Variants in LRRC57 observed in about 807,000 individuals in gnomAD.
LRRC57 encodes the protein leucine-rich repeat-containing protein 57.
In LRRC57, 14 loss-of-function variants were observed where a neutral mutation model predicts 23.1. The observed-to-expected ratio is 0.61, with a 90% confidence interval of 0.40 to 0.95. LRRC57 has a LOEUF of 0.95. Among genes scored for constraint, LRRC57 ranks in the 40% least tolerant of loss-of-function variants. The probability of loss-of-function intolerance (pLI) is 0.00; values close to 1 mark genes in which losing one functional copy is unlikely to be tolerated. For synonymous variants in LRRC57, 106 were observed against 115.2 expected, an observed-to-expected ratio of 0.92 and a Z score of 0.51; for missense variants, 236 against 284.4, an observed-to-expected ratio of 0.83 and a Z score of 1.22.
chr15:42,534,281 C>T (rs2057588867), downstream of LRRC57, among the ~76,000 whole-genome samples: 1 of 152,172 alleles, frequency 6.6e-6, no homozygotes, highest in African/African-American at 2.4e-5. Context: ...CAGGCAGGCA[C>T]CACCGTGCCC....
At chr15:42,547,177 T>C (rs2057662275) in intron 4 of LRRC57, 84 bp downstream of exon 4, 6 of 1,441,500 alleles carry the variant, frequency 4.2e-6, no homozygotes, top group Non-Finnish European at 5.6e-6. Flanking sequence ...ATGATGGCAG[T>C]TTAGGAAACA....
intron 3 of LRRC57, 83 bp from the exon 4 acceptor site, chr15:42,547,612 G>C (rs992514363): frequency 1.1e-4 from 130 of 1,216,654 alleles, no homozygotes; most frequent in Middle Eastern, 5.0e-4. Flanking sequence ...CTATATGGCA[G>C]CCTGCTTCGC....
At chr15:42,530,507 C>G in the LRRC57 span, among the ~76,000 whole-genome samples, 6 of 152,190 alleles carry the variant, frequency 3.9e-5, no homozygotes, top group African/African-American at 1.4e-4. Flanking sequence ...CACCTGTAAT[C>G]TCAACACTTT....
chr15:42,544,836 C>CTATATATATATATATATATAT (rs1256583979), intron 5 of LRRC57, among the ~76,000 whole-genome samples: 13 of 103,730 alleles, frequency 1.3e-4, no homozygotes, highest in African/African-American at 7.1e-4. Flanking sequence ...CACACACACA[C>CTATATATATATATATATATAT]ACACACTATA....
At chr15:42,529,528 GA>G in the LRRC57 span, 4 of 738,862 alleles carry the variant, frequency 5.4e-6, no homozygotes, top group Admixed American at 1.2e-4. Context: ...TTTTATTATA[GA>G]ATGTTTCCCA....
chr15:42,546,475 AAGAC>A (rs1195334687), intron 4 of LRRC57, among the ~76,000 whole-genome samples: 2 of 152,220 alleles, frequency 1.3e-5, no homozygotes, highest in Non-Finnish European at 2.9e-5. Flanking sequence ...CAATTCCTCA[AAGAC>A]AGACTGAATT....
Position 42,547,337 on chromosome 15 carries a change from G to A in LRRC57, c.416C>T (p.Ser139Phe). 6.2e-7 allele frequency: 1 copy of A among 1,614,202 alleles called. No homozygotes were observed. Among genetic ancestry groups the A allele is most frequent in the Non-Finnish European group, 8.5e-7 (1 of 1,180,032 alleles). Reference sequence around the variant, plus strand: ...AGGTATACTTCGAATCTGGTTCTTAGAGAGATCCATCACATCCAGGTGCCG... The same window carrying A: ...AGGTATACTTCGAATCTGGTTCTTAAAGAGATCCATCACATCCAGGTGCCG... ...SLRHLDVMDLSKNQIRSIPDS... is the reference protein window; with the variant it reads ...SLRHLDVMDLFKNQIRSIPDS... Residue 139 changes from serine to phenylalanine, a missense_variant, in exon 4 of 6, where the codon TCT (serine) becomes TTT (phenylalanine). By Grantham distance (155) the Ser-to-Phe change is radical. Coordinates refer to ENST00000397130, the MANE Select transcript of LRRC57 (RefSeq NM_153260.3).
intron 3 of LRRC57, 180 bp downstream of exon 3, chr15:42,547,926 T>C: frequency 1.6e-6 from 1 of 628,022 alleles, no homozygotes; most frequent in Non-Finnish European, 2.7e-6. Context: ...CACCCAATCA[T>C]TATAAGGCTT....
At chr15:42,548,525 C>G in intron 1 of LRRC57, 69 bp from the exon 2 acceptor site, 2 of 1,308,082 alleles carry the variant, frequency 1.5e-6, no homozygotes, top group Non-Finnish European at 2.1e-6. Context: ...GGCTCCTGCC[C>G]CAGCTCTCAA....
chr15:42,533,250 G>C (rs1186546011), downstream of LRRC57, among the ~76,000 whole-genome samples: 1 of 152,114 alleles, frequency 6.6e-6, no homozygotes, highest in Non-Finnish European at 1.5e-5. Context: ...AACTTACCTT[G>C]CTAAAAATTT....
At chr15:42,531,336 G>C in the LRRC57 span, 11 of 938,682 alleles carry the variant, frequency 1.2e-5, no homozygotes, top group South Asian at 9.4e-5. Flanking sequence ...TGGTGTGTCA[G>C]TTACTCCAAG....
Position 42,543,915 on chromosome 15 carries a change from G to C in LRRC57, c.*168C>G, listed in dbSNP as rs1359913902. ...TGATCCTTTTTCTTTTAGCTTATTT[G>C]AGAAGAGCCCTGAAATGAGAAAAGA... On this transcript the variant is annotated 3_prime_UTR_variant, in exon 6 of 6. Coordinates refer to ENST00000397130, the MANE Select transcript of LRRC57 (RefSeq NM_153260.3). 2 of 521,332 alleles carry C rather than the reference G, an allele frequency of 3.8e-6. No individual in the cohort carries two copies. The highest frequency in any genetic ancestry group is 6.8e-6 in the Non-Finnish European group (2 of 292,554). The allele number at this position is 521,332 out of a possible 1,614,324, so 32.3% of individuals were successfully genotyped here.
In LRRC57 at chr15:42,548,100, C is replaced by T. The variant is rs1330050898; in HGVS notation, c.223+6G>A. 1.2e-6 allele frequency: 2 copies of T among 1,614,048 alleles called. No homozygotes were observed. The highest frequency in any genetic ancestry group is 1.3e-5 in the African/African-American group (1 of 74,934). On this transcript the variant is annotated splice_donor_region_variant and intron_variant, in intron 3 of 5. Transcript: ENST00000397130. ...CTAGCAAAAGCCTCCCTGGCGAGAG[C>T]CATACTCAGTTTGTTGTTGTTCAGG...
At chr15:42,535,638 T>C (rs1331415458), downstream of LRRC57, among the ~76,000 whole-genome samples, 1 of 152,144 alleles carries the variant, frequency 6.6e-6, no homozygotes, top group Non-Finnish European at 1.5e-5. Flanking sequence ...TGGTTCGAAC[T>C]CCTGACCTCA....
chr15:42,528,568 C>A, the LRRC57 span: 2 of 831,410 alleles, frequency 2.4e-6, no homozygotes, highest in Non-Finnish European at 3.7e-6. Flanking sequence ...TGCCCACTGA[C>A]AAAATGTGGG....
chr15:42,529,489 A>G, the LRRC57 span, among the ~76,000 whole-genome samples: 3 of 152,228 alleles, frequency 2.0e-5, no homozygotes, highest in African/African-American at 7.2e-5. Flanking sequence ...GCTTTAAGAT[A>G]CTGTGCTCTC....
chr15:42,540,987 G>C lies in LRRC57; in HGVS notation c.*3096C>G, dbSNP rs909605537. The C allele has an allele frequency of 6.7e-6, 1 of 150,316 alleles. No individual in the cohort carries two copies. Among genetic ancestry groups the C allele is most frequent in the African/African-American group, 2.5e-5 (1 of 40,766 alleles). The allele number at this position is 150,316 out of a possible 1,614,324, so 9.3% of individuals were successfully genotyped here. ...GCAGAGGTTGCAATGAGCCAAGATC[G>C]CACCACTGCACTCCAGCCTGGGTGA... On this transcript the variant is annotated 3_prime_UTR_variant, in exon 6 of 6. Coordinates refer to ENST00000397130, the MANE Select transcript of LRRC57 (RefSeq NM_153260.3).
chr15:42,530,966 G>C, the LRRC57 span, among the ~76,000 whole-genome samples: 1 of 152,150 alleles, frequency 6.6e-6, no homozygotes, highest in Non-Finnish European at 1.5e-5. Context: ...TCGTTTCAAA[G>C]ATCTTTGGAA....
chr15:42,537,216 G>GTC (rs375203501), downstream of LRRC57, among the ~76,000 whole-genome samples: 593 of 139,278 alleles, frequency 4.3e-3, 4 homozygotes, highest in Middle Eastern at 0.014. Context: ...CCATCTCTCT[G>GTC]TCTCTCTCTC....
Sources: allele counts gnomAD v4.1 joint callset (sites outside exome capture counted in the v4.1 genomes callset), GRCh38; gene constraint gnomAD v4.1.1; transcripts MANE v1.5; gene names NCBI Gene and HGNC (gene_info 2026-07-23, HGNC 2026-07-21).